Variants in BAZ1B observed in about 807,000 individuals in gnomAD.
The protein encoded by BAZ1B is tyrosine-protein kinase BAZ1B.
In BAZ1B, 22 loss-of-function variants were observed where a neutral mutation model predicts 153.8. The observed-to-expected ratio is 0.14, with a 90% CI of 0.10 to 0.20. The LOEUF (loss-of-function observed/expected upper bound fraction) is 0.20. Among genes scored for constraint, BAZ1B ranks in the 10% least tolerant of loss-of-function variants. The probability of loss-of-function intolerance (pLI) is 1.00; values close to 1 mark genes in which losing one functional copy is unlikely to be tolerated. For synonymous variants in BAZ1B, 676 were observed against 633.4 expected (o/e 1.07, Z -1.01); for missense variants, 1,325 against 1,799.3 (o/e 0.74, Z 4.77).
chr7:73,494,104 C>CATCA (rs1563391796), intron 4 of BAZ1B, among the ~76,000 whole-genome samples: 1 of 151,518 alleles, frequency 6.6e-6, no homozygotes, highest in Non-Finnish European at 1.5e-5. Flanking sequence ...AAATGGGGCC[C>CATCA]ATCACAGTGG....
At chr7:73,497,065 C>CAAAAAAAAAAAAAAAAA (rs1156829240) in intron 4 of BAZ1B, among the ~76,000 whole-genome samples, 1,705 of 49,178 alleles carry the variant, frequency 0.035, 47 homozygotes, top group African/African-American at 0.047. Context: ...CTGACCTCTA[C>CAAAAAAAAAAAAAAAAA]AAAAAAAAAA....
At position 73,443,594 on chromosome 7, in the gene BAZ1B, AGAGGG is replaced by A. The variant is rs1440221440; in HGVS notation, c.3990+385_3990+389del. Among the ~76,000 whole-genome samples, 10 of 152,354 alleles carry A rather than the reference AGAGGG, an allele frequency of 6.6e-5. No individual in the cohort carries two copies. The East Asian group carries it at 1.9e-3, about 29-fold the overall frequency. On this transcript the variant is annotated intron_variant, in intron 17 of 19. Coordinates refer to ENST00000339594, the MANE Select transcript of BAZ1B (RefSeq NM_032408.4). The stretch of plus-strand genomic sequence containing the variant: ...ACTAAAATTACATTGGTTAAGGAGC[AGAGGG>A]GAGGGTAATGTCCCTCCCATAACAA...
At chr7:73,490,843 G>A (rs1449487900) in intron 5 of BAZ1B, among the ~76,000 whole-genome samples, 2 of 151,566 alleles carry the variant, frequency 1.3e-5, no homozygotes, top group Non-Finnish European at 2.9e-5. Flanking sequence ...GAGCTCAGGT[G>A]ATCCACCTGC....
chr7:73,490,975 A>G (rs922421077), intron 5 of BAZ1B, among the ~76,000 whole-genome samples: 3 of 151,736 alleles, frequency 2.0e-5, no homozygotes, highest in Non-Finnish European at 4.4e-5. Context: ...TGTATTTAAC[A>G]ATATCCAATA....
At position 73,477,979 on chromosome 7, in the gene BAZ1B, G is replaced by A. The variant is rs143922329; in HGVS notation, c.1482C>T (p.Ala494=). The A allele has an allele frequency of 1.2e-6, 2 of 1,614,072 alleles. No individual in the cohort carries two copies. The highest frequency in any genetic ancestry group is 1.7e-6 in the Non-Finnish European group (2 of 1,180,024). ...CTGTTTTGGAGATAACACAGGACAG[G>A]GCGCTCCTCTTGTCCTCCCTGTCTT... The part of the protein sequence containing the change: ...ENKDREDKRS[A]LSCVISKTAR... Residue 494 remains alanine (A), a synonymous_variant, in exon 7 of 20, where the codon GCC becomes GCT. Transcript: ENST00000339594. The surrounding 1 kb of genome is among the most constrained non-coding windows in gnomAD (Gnocchi z 5.6).
At chr7:73,464,581 C>T (rs1788510127) in intron 11 of BAZ1B, among the ~76,000 whole-genome samples, 1 of 152,188 alleles carries the variant, frequency 6.6e-6, no homozygotes, top group Non-Finnish European at 1.5e-5. Flanking sequence ...TGAATGGAAT[C>T]ATACACCACA....
rs150244518 is a variant in BAZ1B, at chr7:73,505,120, G to A, written c.369+3207C>T. Among the ~76,000 whole-genome samples, 921 of 152,202 alleles carry A rather than the reference G, an allele frequency of 6.1e-3. 36 individuals carry two copies. Among genetic ancestry groups the A allele is most frequent in the Admixed American group, 0.05 (769 of 15,264 alleles). On this transcript the variant is annotated intron_variant, in intron 3 of 19. Transcript: ENST00000339594. Reference sequence around the variant, plus strand: ...GAAGATACTCTCTTTCTCAGCCCCCGCTGCAGCTCTGGGTGGTTATGTAAG... The same window carrying A: ...GAAGATACTCTCTTTCTCAGCCCCCACTGCAGCTCTGGGTGGTTATGTAAG...
chr7:73,521,644 G>A (rs1007088989), intron 1 of BAZ1B, among the ~76,000 whole-genome samples, 183 bp downstream of exon 1: 4 of 151,670 alleles, frequency 2.6e-5, no homozygotes, highest in Non-Finnish European at 5.9e-5. Flanking sequence ...CGCGCCCCCC[G>A]CCGGATCCCC....
chr7:73,470,925 G>A (rs1554571906), intron 7 of BAZ1B, among the ~76,000 whole-genome samples: 2 of 152,090 alleles, frequency 1.3e-5, no homozygotes. Context: ...AGTAGAGACG[G>A]GGTTTCCCCA....
chr7:73,465,723 T>C (rs1788558018), intron 10 of BAZ1B, among the ~76,000 whole-genome samples, 186 bp from the exon 11 acceptor site: 1 of 152,186 alleles, frequency 6.6e-6, no homozygotes, highest in Admixed American at 6.5e-5. Flanking sequence ...GTTAATTCTG[T>C]ACTAGGACAC....
rs1563373086 is a variant in BAZ1B, at chr7:73,465,485, G to A, written c.3025C>T (p.Pro1009Ser). ...ELDELLNCLH[P>S]QGIRESQLKE... ...AGTTGACTTTCTCTTATTCCCTGAG[G>A]GTGAAGACAGTTTAGCAACTCATCC... Residue 1009 changes from proline (P) to serine (S), a missense_variant, in exon 11 of 20, where the codon CCT becomes TCT. Pro to Ser is a moderately conservative substitution (Grantham distance 74). Around this residue, in one of 9 missense-constraint regions of BAZ1B, gnomAD observed 431 missense variants for 563.5 expected, o/e 0.76. Transcript: ENST00000339594. 6.2e-7 allele frequency: 1 copy of A among 1,610,990 alleles called. No individual in the cohort carries two copies.
chr7:73,471,845 G>A (rs148133931), intron 7 of BAZ1B, among the ~76,000 whole-genome samples: 1 of 151,104 alleles, frequency 6.6e-6, no homozygotes, highest in East Asian at 1.9e-4. Context: ...AATGGTTATA[G>A]TAGAAAATAG....
chr7:73,464,768 C>T (rs1554570943), intron 11 of BAZ1B, among the ~76,000 whole-genome samples: 1 of 152,190 alleles, frequency 6.6e-6, no homozygotes, highest in African/African-American at 2.4e-5. Context: ...CTCTCTCACC[C>T]AGGCCAGAGT....
intron 5 of BAZ1B, 32 bp from the exon 6 acceptor site, chr7:73,489,423 T>G: frequency 6.2e-7 from 1 of 1,611,028 alleles, no homozygotes; most frequent in Middle Eastern, 1.7e-4. Flanking sequence ...AACTCACCAC[T>G]GGGGTAAAAA....
intron 17 of BAZ1B, among the ~76,000 whole-genome samples, chr7:73,443,436 A>T (rs2116212405): frequency 6.6e-6 from 1 of 152,314 alleles, no homozygotes; most frequent in Middle Eastern, 3.4e-3. Context: ...TGGCAAACCG[A>T]GCATCTTCTA....
chr7:73,443,429 C>T (rs1787704318), intron 17 of BAZ1B, among the ~76,000 whole-genome samples: 1 of 152,172 alleles, frequency 6.6e-6, no homozygotes, highest in African/African-American at 2.4e-5. Flanking sequence ...AAGGCTGTGG[C>T]AAACCGAGCA....
intron 4 of BAZ1B, among the ~76,000 whole-genome samples, chr7:73,497,577 C>CT (rs1334974610): frequency 2.0e-5 from 3 of 151,922 alleles, no homozygotes; most frequent in Non-Finnish European, 4.4e-5. Flanking sequence ...ACTCTTTGTT[C>CT]TTTTTTTACA....
chr7:73,520,605 A>C (rs1156310944), intron 1 of BAZ1B, among the ~76,000 whole-genome samples: 1 of 152,068 alleles, frequency 6.6e-6, no homozygotes, highest in Non-Finnish European at 1.5e-5. Context: ...CTATTTCTCC[A>C]AGAGCCTTCC....
At chr7:73,466,774 C>T (rs548604577) in intron 9 of BAZ1B, among the ~76,000 whole-genome samples, 1 of 152,292 alleles carries the variant, frequency 6.6e-6, no homozygotes, top group South Asian at 2.1e-4. Context: ...CATATAAATA[C>T]TATAGACTTA....
Sources: gnomAD v4.1 joint callset for allele counts (sites outside exome capture counted in the v4.1 genomes callset) on GRCh38, gnomAD v4.1.1 for gene constraint, gnomAD v4.1.1 regional missense constraint, Gnocchi (gnomAD v3.1) non-coding constraint, MANE v1.5 for transcripts, NCBI Gene and HGNC (gene_info 2026-07-23, HGNC 2026-07-21) for gene names.